TMEM132C: variants seen among roughly 807,000 people sequenced by gnomAD.
The protein encoded by TMEM132C is transmembrane protein 132C.
TMEM132C carries 29 observed loss-of-function variants against 61.4 expected under a neutral mutation model. That is an observed-to-expected ratio of 0.47 (90% CI 0.35 to 0.64). TMEM132C has a LOEUF of 0.64. Among genes scored for constraint, TMEM132C ranks in the 30% least tolerant of loss-of-function variants. The pLI is 0.00. For missense variants in TMEM132C, 1,408 were observed against 1,476.9 expected (o/e 0.95, Z 0.76); for synonymous variants, 656 against 633.1 (o/e 1.04, Z -0.54).
At chr12:128,652,606 A>T (rs1954283161) in intron 4 of TMEM132C, among the ~76,000 whole-genome samples, 1 of 152,234 alleles carries the variant, frequency 6.6e-6, no homozygotes, top group African/African-American at 2.4e-5. Flanking sequence ...CTATAAGTGG[A>T]GCGTGCTCCG....
At chr12:128,365,641 G>A (rs980410930) in intron 1 of TMEM132C, among the ~76,000 whole-genome samples, 3 of 152,334 alleles carry the variant, frequency 2.0e-5, no homozygotes, top group Admixed American at 2.0e-4. Flanking sequence ...AGCCGTGGTT[G>A]TTGGAGTACC....
At chr12:128,294,264 G>A (rs1871334843) in intron 1 of TMEM132C, 1 of 153,652 alleles carries the variant, frequency 6.5e-6, no homozygotes, top group African/African-American at 2.4e-5. Flanking sequence ...GGAGCAAGGA[G>A]ACCAGACACG....
At chr12:128,623,700 C>T (rs1317886688) in intron 4 of TMEM132C, among the ~76,000 whole-genome samples, 3 of 151,666 alleles carry the variant, frequency 2.0e-5, no homozygotes, top group Admixed American at 6.6e-5. Flanking sequence ...CTCAGCTACT[C>T]GGGAGGCTGA....
chr12:128,294,956 A>G (rs1593000932), intron 1 of TMEM132C, among the ~76,000 whole-genome samples: 4 of 128,942 alleles, frequency 3.1e-5, no homozygotes, highest in African/African-American at 8.6e-5. Flanking sequence ...TGAGGAACCA[A>G]TGCTTGGTGT....
rs114386911 is a variant in TMEM132C, at chr12:128,366,178, C to T, written c.86-48554C>T. Among the ~76,000 whole-genome samples, 1,434 of 152,326 alleles carry T rather than the reference C, an allele frequency of 9.4e-3. 21 individuals carry two copies. The highest frequency in any genetic ancestry group is 0.033 in the African/African-American group (1,353 of 41,568). ...GGAAGGGAGAAGGTGCTGTGCGTCGCTGCCTGTGTCGCCCGCGGCTCTCCT... is the reference window on the plus strand; with the variant it reads ...GGAAGGGAGAAGGTGCTGTGCGTCGTTGCCTGTGTCGCCCGCGGCTCTCCT... On this transcript the variant is annotated intron_variant, in intron 1 of 8. Coordinates refer to ENST00000435159, the MANE Select transcript of TMEM132C (RefSeq NM_001136103.3).
At chr12:128,547,970 GCTCACCCCTGTTGATCCCCCATGACCA>G (rs566602303) in intron 3 of TMEM132C, among the ~76,000 whole-genome samples, 41 of 152,138 alleles carry the variant, frequency 2.7e-4, no homozygotes, top group Admixed American at 1.2e-3. Flanking sequence ...CCACATGACC[GCTCACCCCTGTTGATCCCCCATGACCA>G]CTCACCCCTA....
intron 1 of TMEM132C, among the ~76,000 whole-genome samples, chr12:128,378,752 G>A (rs1002566459): frequency 2.0e-5 from 3 of 152,102 alleles, no homozygotes; most frequent in Non-Finnish European, 4.4e-5. Flanking sequence ...GAGGTGATAC[G>A]GTTTGTCGGT....
At chr12:128,412,086 A>C (rs1270288529) in intron 1 of TMEM132C, among the ~76,000 whole-genome samples, 9 of 152,230 alleles carry the variant, frequency 5.9e-5, no homozygotes, top group Non-Finnish European at 1.2e-4. Context: ...TTTATAGCCA[A>C]AATATGTGTC....
intron 1 of TMEM132C, among the ~76,000 whole-genome samples, chr12:128,341,127 G>T (rs1202677155): frequency 3.3e-5 from 5 of 151,964 alleles, no homozygotes; most frequent in African/African-American, 1.2e-4. Flanking sequence ...TTTTGGTAGA[G>T]ACGGGGTTTC....
intron 4 of TMEM132C, among the ~76,000 whole-genome samples, chr12:128,619,664 C>T (rs982340817): frequency 3.3e-5 from 5 of 152,226 alleles, no homozygotes; most frequent in Admixed American, 6.5e-5. Flanking sequence ...CTCCTCCCTG[C>T]GCTGTCCCCA....
chr12:128,651,085 C>G (rs1954264112), intron 4 of TMEM132C, among the ~76,000 whole-genome samples: 1 of 152,198 alleles, frequency 6.6e-6, no homozygotes, highest in Admixed American at 6.5e-5. Flanking sequence ...TCCACCATTC[C>G]ATCAGGGAGT....
Position 128,326,754 on chromosome 12 carries a change from G to GTAGCTGGGACTACAGGTGCCCACC in TMEM132C, c.85+59267_85+59268insTAGCTGGGACTACAGGTGCCCACC, listed in dbSNP as rs1565902082. Reference sequence around the variant, plus strand: ...GGCAGAGAAGTTTCGAGATTCATCAGATGTCTTTATGGCTCCCACATCTCG... The same window carrying GTAGCTGGGACTACAGGTGCCCACC: ...GGCAGAGAAGTTTCGAGATTCATCAGTAGCTGGGACTACAGGTGCCCACCATGTCTTTATGGCTCCCACATCTCG... On this transcript the variant is annotated intron_variant, in intron 1 of 8. Transcript: ENST00000435159. The surrounding 1 kb of genome is among the most constrained non-coding windows in gnomAD (Gnocchi z 5.6). Among the ~76,000 whole-genome samples, 6 of 150,508 alleles carry GTAGCTGGGACTACAGGTGCCCACC rather than the reference G, an allele frequency of 4.0e-5. No individual in the cohort carries two copies. The highest frequency in any genetic ancestry group is 1.5e-4 in the African/African-American group (6 of 39,812).
chr12:128,479,093 C>T (rs140433249), intron 2 of TMEM132C, among the ~76,000 whole-genome samples: 2 of 152,096 alleles, frequency 1.3e-5, no homozygotes, highest in Non-Finnish European at 2.9e-5. Flanking sequence ...AGCCCATCAT[C>T]CTTAGCAAAC....
chr12:128,311,328 C>T (rs1434360595), intron 1 of TMEM132C, among the ~76,000 whole-genome samples: 3 of 152,194 alleles, frequency 2.0e-5, no homozygotes, highest in Non-Finnish European at 2.9e-5. Flanking sequence ...CTTCTGTGAC[C>T]GTACTCCTGG....
chr12:128,412,776 C>T (rs1052813729), intron 1 of TMEM132C, among the ~76,000 whole-genome samples: 6 of 152,148 alleles, frequency 3.9e-5, no homozygotes, highest in Non-Finnish European at 8.8e-5. Context: ...TGAAAACAGG[C>T]TAATATACTC....
chr12:128,490,974 A>G (rs988406194), intron 2 of TMEM132C, among the ~76,000 whole-genome samples: 7 of 152,108 alleles, frequency 4.6e-5, no homozygotes, highest in African/African-American at 1.7e-4. Flanking sequence ...TATAATACCA[A>G]TTTTTCAGAT....
intron 3 of TMEM132C, among the ~76,000 whole-genome samples, chr12:128,589,968 T>C (rs372193589): frequency 2.2e-4 from 33 of 152,332 alleles, no homozygotes; most frequent in South Asian, 1.7e-3. Flanking sequence ...CAAAGTTTCA[T>C]GAATCATTAC....
intron 3 of TMEM132C, among the ~76,000 whole-genome samples, chr12:128,555,351 T>A (rs7960798): frequency 1.9e-4 from 29 of 152,330 alleles, no homozygotes; most frequent in Non-Finnish European, 4.3e-4. Context: ...GCTAAAATAA[T>A]CTGCTTTTCC....
intron 1 of TMEM132C, among the ~76,000 whole-genome samples, chr12:128,273,968 T>C (rs1870600610): frequency 1.3e-5 from 2 of 152,222 alleles, no homozygotes; most frequent in African/African-American, 4.8e-5. Context: ...TCTAAATGGG[T>C]ACTTCTGATG....
Sources: allele counts gnomAD v4.1 joint callset (sites outside exome capture counted in the v4.1 genomes callset), GRCh38; gene constraint gnomAD v4.1.1; non-coding constraint Gnocchi (gnomAD v3.1); transcripts MANE v1.5; gene names NCBI Gene and HGNC (gene_info 2026-07-23, HGNC 2026-07-21).